The following DPH6 variants were observed in gnomAD, a reference collection of about 807,000 sequenced individuals.
DPH6 encodes the protein diphthine--ammonia ligase.
In DPH6, 33 loss-of-function variants were observed where a neutral mutation model predicts 38.2. The observed-to-expected ratio is 0.86, with a 90% CI of 0.65 to 1.15. The LOEUF is 1.15. Among genes scored for constraint, DPH6 ranks in the 50% most tolerant of loss-of-function variants. The pLI is 0.00. For missense variants in DPH6, 325 were observed against 320.0 expected, an observed-to-expected ratio of 1.02 and a Z score of -0.12; for synonymous variants, 108 against 103.0, an observed-to-expected ratio of 1.05 and a Z score of -0.30.
intron 3 of DPH6, among the ~76,000 whole-genome samples, chr15:35,323,085 G>A (rs1330442449): frequency 6.6e-6 from 1 of 152,118 alleles, no homozygotes; most frequent in Admixed American, 6.6e-5. Flanking sequence ...TGAAGACGAT[G>A]CTCATGAATG....
chr15:35,146,415 CCTT>C, the DPH6 span, among the ~76,000 whole-genome samples: 1 of 152,094 alleles, frequency 6.6e-6, no homozygotes, highest in Non-Finnish European at 1.5e-5. Flanking sequence ...TTTCTCATCT[CCTT>C]ATTTCCTCCT....
At chr15:35,393,901 T>C (rs1424037106) in intron 6 of DPH6, among the ~76,000 whole-genome samples, 1 of 152,118 alleles carries the variant, frequency 6.6e-6, no homozygotes, top group African/African-American at 2.4e-5. Context: ...ATGGTAGTTC[T>C]GTTTACTGAT....
rs1216990299 is a variant in DPH6, at chr15:35,450,671, G to A, written c.505+14C>T. 1.2e-6 allele frequency: 2 copies of A among 1,600,136 alleles called. No homozygotes were observed. The highest frequency in any genetic ancestry group is 1.7e-6 in the Non-Finnish European group (2 of 1,168,236). ...GTGGCAACAAACAGCTCCCTTGATA[G>A]TTTGGCTGCATACCCAAAGCTGCTA... On this transcript the variant is annotated intron_variant, in intron 5 of 8. Coordinates refer to ENST00000256538, the MANE Select transcript of DPH6 (RefSeq NM_080650.4).
At chr15:35,184,223 C>T in the DPH6 span, among the ~76,000 whole-genome samples, 8 of 152,188 alleles carry the variant, frequency 5.3e-5, no homozygotes, top group East Asian at 7.7e-4. Flanking sequence ...TTCAGTTTTG[C>T]GATGGTTTCA....
At chr15:35,188,163 A>G in the DPH6 span, among the ~76,000 whole-genome samples, 1 of 152,080 alleles carries the variant, frequency 6.6e-6, no homozygotes, top group East Asian at 1.9e-4. Flanking sequence ...AGGGAAAGGC[A>G]CTCTCCCAAT....
At chr15:35,323,291 G>C (rs1325789527) in intron 3 of DPH6, among the ~76,000 whole-genome samples, 4 of 152,122 alleles carry the variant, frequency 2.6e-5, no homozygotes, top group Admixed American at 2.0e-4. Context: ...CTTTCTTATA[G>C]AGAATTTTGG....
At chr15:35,520,804 A>G in intron 3 of DPH6, 1 of 985,040 alleles carries the variant, frequency 1.0e-6, no homozygotes, top group African/African-American at 1.7e-5. Context: ...ATACCACCAT[A>G]TCACATATTG....
intron 3 of DPH6, among the ~76,000 whole-genome samples, chr15:35,255,810 G>C (rs1243931780): frequency 4.6e-5 from 7 of 152,094 alleles, no homozygotes; most frequent in African/African-American, 1.7e-4. Flanking sequence ...TAATGAATAT[G>C]ATCCTTAGAA....
rs865867369 is a variant in DPH6 at position 35,350,851 on chromosome 15, T to C, written n.208-19774A>G. Among the ~76,000 whole-genome samples, 8 of 152,322 alleles carry C rather than the reference T, an allele frequency of 5.3e-5. 1 individual carries two copies. The highest frequency in any genetic ancestry group is 3.9e-4 in the Admixed American group (6 of 15,294). On this transcript the variant is annotated intron_variant and non_coding_transcript_variant, in intron 3 of 3. Coordinates refer to the DPH6 transcript ENST00000558973. ...TTAAGACCTGTTTTGTGGCCTAACATGTCATCTTTAGAAACATTCTGTGGG... is the reference window on the plus strand; with the variant it reads ...TTAAGACCTGTTTTGTGGCCTAACACGTCATCTTTAGAAACATTCTGTGGG...
chr15:35,468,834 G>A (rs1401144025), intron 3 of DPH6, among the ~76,000 whole-genome samples: 1 of 152,154 alleles, frequency 6.6e-6, no homozygotes, highest in Non-Finnish European at 1.5e-5. Flanking sequence ...TTGGGAGGCT[G>A]AGGCAGGTGG....
chr15:35,266,053 T>C (rs1387759051), intron 3 of DPH6, among the ~76,000 whole-genome samples: 1 of 152,204 alleles, frequency 6.6e-6, no homozygotes, highest in East Asian at 1.9e-4. Flanking sequence ...AAATATGTTT[T>C]TGTAAAAGTA....
chr15:35,235,454 CA>C (rs1296019131), intron 3 of DPH6, among the ~76,000 whole-genome samples: 1 of 151,982 alleles, frequency 6.6e-6, no homozygotes, highest in South Asian at 2.1e-4. Flanking sequence ...GATTACTTGG[CA>C]AAAAAATCCA....
chr15:35,381,074 A>G (rs192727257), intron 7 of DPH6, among the ~76,000 whole-genome samples: 7 of 152,322 alleles, frequency 4.6e-5, no homozygotes, highest in Admixed American at 3.3e-4. Flanking sequence ...TTCCCTCATT[A>G]TTAATATGCA....
Position 35,451,044 on chromosome 15 carries a change from T to C in DPH6, c.387-241A>G, listed in dbSNP as rs189339679. ...GGCACACTAGAAATATTAATTTTAG[T>C]AAGACTCTTAGTTTAGAAATCTATG... On this transcript the variant is annotated intron_variant, in intron 4 of 8. Coordinates refer to ENST00000256538, the MANE Select transcript of DPH6 (RefSeq NM_080650.4). Among the ~76,000 whole-genome samples, 1,244 of 152,298 alleles carry C rather than the reference T, an allele frequency of 8.2e-3. 12 individuals are homozygous for C. The highest frequency in any genetic ancestry group is 0.013 in the Non-Finnish European group (895 of 68,014).
chr15:35,343,003 C>T (rs1465325325), intron 3 of DPH6, among the ~76,000 whole-genome samples: 1 of 152,172 alleles, frequency 6.6e-6, no homozygotes, highest in Non-Finnish European at 1.5e-5. Flanking sequence ...AAGCAAATTC[C>T]AGATTTCATA....
intron 5 of DPH6, among the ~76,000 whole-genome samples, chr15:35,432,740 G>A (rs551762740): frequency 2.2e-4 from 34 of 152,174 alleles, no homozygotes; most frequent in African/African-American, 7.9e-4. Context: ...CTTGAGAAAG[G>A]TACTGAAGAC....
At chr15:35,409,851 T>G (rs2053342634) in intron 6 of DPH6, among the ~76,000 whole-genome samples, 1 of 151,936 alleles carries the variant, frequency 6.6e-6, no homozygotes. Flanking sequence ...CATAATCATT[T>G]CATTTTTCTT....
At chr15:35,352,587 G>A (rs367911023) in intron 3 of DPH6, among the ~76,000 whole-genome samples, 134 of 152,086 alleles carry the variant, frequency 8.8e-4, no homozygotes, top group African/African-American at 1.5e-3. Context: ...AGCTTCATCC[G>A]TGTCCCTACA....
At chr15:35,510,564 G>A (rs1172416322) in intron 3 of DPH6, among the ~76,000 whole-genome samples, 1 of 152,138 alleles carries the variant, frequency 6.6e-6, no homozygotes, top group Non-Finnish European at 1.5e-5. Context: ...GGATGAGGAA[G>A]GATAAAAGCA....
Sources: gnomAD v4.1 joint callset for allele counts (sites outside exome capture counted in the v4.1 genomes callset) on GRCh38, gnomAD v4.1.1 for gene constraint, MANE v1.5 for transcripts, NCBI Gene and HGNC (gene_info 2026-07-23, HGNC 2026-07-21) for gene names.